The following PROCR variants were observed in gnomAD, a reference collection of about 807,000 sequenced individuals.
PROCR encodes the protein endothelial protein C receptor.
PROCR carries 22 observed loss-of-function variants against 24.2 expected under a neutral mutation model. The ratio of observed to expected loss-of-function variants is 0.91; its 90% confidence interval spans 0.65 to 1.30. PROCR has a LOEUF of 1.30. Among genes scored for constraint, PROCR ranks in the 50% most tolerant of loss-of-function variants. The probability of loss-of-function intolerance (pLI) is 0.00; values close to 1 mark genes in which losing one functional copy is unlikely to be tolerated. For synonymous variants in PROCR, 137 were observed against 139.2 expected (o/e 0.98, Z 0.11); for missense variants, 288 against 307.7 (o/e 0.94, Z 0.48).
chr20:35,214,418 G>C (rs2060373398), intron 1 of PROCR, among the ~76,000 whole-genome samples: 1 of 152,122 alleles, frequency 6.6e-6, no homozygotes, highest in South Asian at 2.1e-4. Context: ...CGGGCGCGGT[G>C]GCTCACGCCT....
intron 1 of PROCR, among the ~76,000 whole-genome samples, chr20:35,205,211 T>G (rs925878540): frequency 6.6e-6 from 1 of 150,856 alleles, no homozygotes; most frequent in Non-Finnish European, 1.5e-5. Context: ...AGGTGGAAGT[T>G]GCAGTGAGCT....
At chr20:35,193,074 A>T (rs984387576) in intron 1 of PROCR, among the ~76,000 whole-genome samples, 4 of 152,144 alleles carry the variant, frequency 2.6e-5, no homozygotes, top group Admixed American at 6.5e-5. Context: ...GACACACAGA[A>T]CTAACCTGTG....
chr20:35,189,326 A>G (rs1169446513), intron 1 of PROCR, among the ~76,000 whole-genome samples: 1 of 152,160 alleles, frequency 6.6e-6, no homozygotes, highest in Admixed American at 6.5e-5. Context: ...GTTACAGATA[A>G]GGGATGAAAC....
rs76512667 is a variant in PROCR at position 35,172,836 on chromosome 20, C to T, written c.70+612C>T. The stretch of plus-strand genomic sequence containing the variant: ...TTATAATTGCACAGGGGCCTCCTTT[C>T]CCCTCTCTCACAATCCCCGTAACTT... On this transcript the variant is annotated intron_variant, in intron 1 of 3. Transcript: ENST00000216968. 1.3e-3 allele frequency among the ~76,000 whole-genome samples: 202 copies of T among 152,242 alleles called. 6 individuals are homozygous for T. In the East Asian group the frequency reaches 0.037, roughly 28 times the overall value.
At chr20:35,202,048 C>T (rs2146173035) in intron 1 of PROCR, 1 of 152,234 alleles carries the variant, frequency 6.6e-6, no homozygotes, top group East Asian at 1.9e-4. Context: ...ATAACGTTAT[C>T]AACTGGTTTA....
chr20:35,189,390 C>G (rs2086154600), intron 1 of PROCR, among the ~76,000 whole-genome samples: 2 of 152,138 alleles, frequency 1.3e-5, no homozygotes, highest in Admixed American at 6.5e-5. Context: ...GAAATTCCAG[C>G]CTGGCGAATT....
chr20:35,200,341 T>C (rs1477556494), intron 1 of PROCR, among the ~76,000 whole-genome samples: 1 of 152,192 alleles, frequency 6.6e-6, no homozygotes, highest in Non-Finnish European at 1.5e-5. Flanking sequence ...TCAATTGATA[T>C]GCAAACTTTA....
intron 1 of PROCR, among the ~76,000 whole-genome samples, chr20:35,194,236 T>C (rs575486402): frequency 2.2e-4 from 34 of 152,252 alleles, no homozygotes; most frequent in East Asian, 9.6e-4. Context: ...AATAACTCTT[T>C]TGAGGAGTTT....
rs1262797659 is a variant in PROCR at position 35,208,245 on chromosome 20, G to C, written c.95-7648G>C. On this transcript the variant is annotated intron_variant, in intron 1 of 1. Coordinates refer to the PROCR transcript ENST00000634509. ...ACAGGCTGGCTCTGGGCATAGGCCA[G>C]TCTCTTCCTGGAGCTTTCATTTTCT... Among the ~76,000 whole-genome samples the C allele has an allele frequency of 2.6e-5, 4 of 152,238 alleles. No individual in the cohort carries two copies. In the East Asian group the frequency reaches 7.7e-4, roughly 29 times the overall value.
At position 35,176,997 on chromosome 20, in the gene PROCR, A is replaced by C. The variant is rs2086027248; in HGVS notation, c.*184A>C. 1 of 1,448,256 alleles carries C rather than the reference A, an allele frequency of 6.9e-7. No homozygotes were observed. The highest frequency in any genetic ancestry group is 2.4e-5 in the Admixed American group (1 of 41,754). The allele number at this position is 1,448,256 out of a possible 1,614,324, so 89.7% of individuals were successfully genotyped here. A position where few individuals can be genotyped will look rare whatever the true frequency, so the allele number is the denominator to read the frequency against. ...GGGAGATGGAGAGGAGAGGTGGACA[A>C]AGTACTTGGTTTGCTAAGAACCTAA... On this transcript the variant is annotated 3_prime_UTR_variant, in exon 4 of 4. Transcript: ENST00000216968.
At chr20:35,211,899 C>T (rs1476881875) in intron 1 of PROCR, among the ~76,000 whole-genome samples, 2 of 151,824 alleles carry the variant, frequency 1.3e-5, no homozygotes, top group Non-Finnish European at 2.9e-5. Context: ...AACTGTAATC[C>T]CAGCTACTTG....
At chr20:35,189,157 C>G (rs1413620577) in intron 1 of PROCR, among the ~76,000 whole-genome samples, 2 of 152,056 alleles carry the variant, frequency 1.3e-5, no homozygotes, top group African/African-American at 4.8e-5. Flanking sequence ...CTGGGCAGGA[C>G]AGAGCCATAT....
At chr20:35,178,795 G>A (rs1401532836), downstream of PROCR, among the ~76,000 whole-genome samples, 2 of 147,728 alleles carry the variant, frequency 1.4e-5, no homozygotes, top group Non-Finnish European at 3.0e-5. Flanking sequence ...GATTACAGGC[G>A]TGAGCCACCG....
intron 1 of PROCR, among the ~76,000 whole-genome samples, chr20:35,210,318 G>A (rs1342720432): frequency 6.6e-5 from 10 of 152,178 alleles, no homozygotes; most frequent in Non-Finnish European, 2.9e-5. Context: ...GCCAAGATGG[G>A]AGAACTGTTT....
At chr20:35,185,691 G>A (rs2086119352) in intron 1 of PROCR, among the ~76,000 whole-genome samples, 3 of 152,142 alleles carry the variant, frequency 2.0e-5, no homozygotes. Context: ...CGATGAGGAT[G>A]CAAAGGTATA....
intron 1 of PROCR, among the ~76,000 whole-genome samples, chr20:35,211,572 T>C (rs1007338084): frequency 6.6e-6 from 1 of 152,064 alleles, no homozygotes; most frequent in Non-Finnish European, 1.5e-5. Flanking sequence ...TCCAAATACA[T>C]CCACTCCAGC....
chr20:35,213,157 C>A (rs555869835), intron 1 of PROCR, among the ~76,000 whole-genome samples: 1 of 152,026 alleles, frequency 6.6e-6, no homozygotes, highest in African/African-American at 2.4e-5. Flanking sequence ...ACGGCAAAAC[C>A]GCGTCTCTAC....
Position 35,176,787 on chromosome 20 carries a change from C to G in PROCR, c.691C>G (p.Leu231Val). The G allele has an allele frequency of 6.2e-7, 1 of 1,614,060 alleles. No individual in the cohort carries two copies. Among genetic ancestry groups the G allele is most frequent in the Non-Finnish European group, 8.5e-7 (1 of 1,180,010 alleles). The change falls in exon 4 of 4, where the codon CTG (leucine) becomes GTG (valine). Residue 231 changes from leucine to valine, a missense_variant. Physicochemically the swap from Leu to Val is conservative, Grantham distance 32. Coordinates refer to ENST00000216968, the MANE Select transcript of PROCR (RefSeq NM_006404.5). ...TGCTGGTGTGGCTGTAGGCATCTTC[C>G]TGTGCACAGGTGGACGGCGATGTTA... is the stretch of plus-strand genomic sequence containing the variant. The part of the protein sequence containing the change: ...IIAGVAVGIF[L>V]CTGGRRC
At chr20:35,197,962 C>T (rs8121715) in intron 1 of PROCR, among the ~76,000 whole-genome samples, 10,799 of 151,742 alleles carry the variant, frequency 0.071, 1,310 homozygotes, top group African/African-American at 0.25. Context: ...AATGGTTAGC[C>T]GAGTTGTAAA....
Sources: allele counts gnomAD v4.1 joint callset (sites outside exome capture counted in the v4.1 genomes callset), GRCh38; gene constraint gnomAD v4.1.1; transcripts MANE v1.5; gene names NCBI Gene and HGNC (gene_info 2026-07-23, HGNC 2026-07-21).